Variants in CNNM4 observed in about 807,000 individuals in gnomAD.
CNNM4 encodes the protein cyclin and CBS domain divalent metal cation transport mediator 4.
A neutral mutation model predicts 53.7 loss-of-function variants in CNNM4; 32 were observed. That is an observed-to-expected ratio of 0.60 (90% CI 0.45 to 0.80). CNNM4 has a LOEUF of 0.80. Ranked by LOEUF, CNNM4 falls within the 30% of genes least tolerant of loss-of-function variation. The probability of loss-of-function intolerance (pLI) is 0.00; values close to 1 mark genes in which losing one functional copy is unlikely to be tolerated. For missense variants in CNNM4, 784 were observed against 1,022.0 expected, an observed-to-expected ratio of 0.77 and a Z score of 3.17; for synonymous variants, 410 against 440.0, an observed-to-expected ratio of 0.93 and a Z score of 0.85.
Position 96,796,131 on chromosome 2 carries a change from CTTTTTTTTTTTTT to C in CNNM4, c.1403-862_1403-850del, listed in dbSNP as rs796494842. ...CCTGATAAGTGATACCAGACAGGGT[CTTTTTTTTTTTTT>C]TTTTTTTTTTTTTTTTTTGAGACAG... On this transcript the variant is annotated intron_variant, in intron 1 of 6. Transcript: ENST00000377075. Among the ~76,000 whole-genome samples, 216 of 50,700 alleles carry C rather than the reference CTTTTTTTTTTTTT, an allele frequency of 4.3e-3. 2 individuals are homozygous for C. The East Asian group carries it at 0.093, about 22-fold the overall frequency. 33.3% of individuals were successfully genotyped at this position (50,700 alleles called of 152,430 possible).
chr2:96,803,367 A>T (rs1574084313), intron 5 of CNNM4, among the ~76,000 whole-genome samples: 1 of 152,306 alleles, frequency 6.6e-6, no homozygotes, highest in East Asian at 1.9e-4. Flanking sequence ...AAAGCAAAAA[A>T]CTTTCCCTGT....
intron 1 of CNNM4, among the ~76,000 whole-genome samples, chr2:96,779,633 TC>T (rs2078956256): frequency 6.6e-6 from 1 of 152,154 alleles, no homozygotes; most frequent in African/African-American, 2.4e-5. Context: ...TTGATCTGTT[TC>T]TTTTTCTTTG....
chr2:96,797,246 A>G lies in CNNM4; in HGVS notation c.1546+91A>G. 1.9e-6 allele frequency: 3 copies of G among 1,558,538 alleles called. No homozygotes were observed. In the East Asian group the frequency reaches 6.7e-5, roughly 35 times the overall value. ...GCTGGAAGGGCCATAGTGCAGGGAC[A>G]CAGGAGGCCTAGCATCCAGAGGCCC... On this transcript the variant is annotated intron_variant, in intron 2 of 6. Coordinates refer to ENST00000377075, the MANE Select transcript of CNNM4 (RefSeq NM_020184.4). The surrounding 1 kb of genome is among the most constrained non-coding windows in gnomAD (Gnocchi z 6.0).
At chr2:96,799,688 C>A in intron 5 of CNNM4, 40 bp downstream of exon 5, 1 of 1,475,868 alleles carries the variant, frequency 6.8e-7, no homozygotes, top group Non-Finnish European at 9.3e-7. Flanking sequence ...CTTTGGCCCC[C>A]CTGCAGCTGG....
chr2:96,802,255 A>C (rs1361475579), intron 5 of CNNM4, among the ~76,000 whole-genome samples: 1 of 152,118 alleles, frequency 6.6e-6, no homozygotes, highest in Non-Finnish European at 1.5e-5. Context: ...ACACACACAC[A>C]TGCACACCCA....
intron 1 of CNNM4, among the ~76,000 whole-genome samples, chr2:96,764,664 A>C (rs1336257913): frequency 6.6e-6 from 1 of 152,174 alleles, no homozygotes; most frequent in Non-Finnish European, 1.5e-5. Context: ...TACCCAGGAC[A>C]CAGCACACAC....
chr2:96,762,613 A>T (rs2078776047), intron 1 of CNNM4, among the ~76,000 whole-genome samples: 1 of 152,168 alleles, frequency 6.6e-6, no homozygotes, highest in Non-Finnish European at 1.5e-5. Context: ...TGTGCTCCTG[A>T]TGAATCAAAG....
chr2:96,807,894 G>A (rs559092082), intron 5 of CNNM4, among the ~76,000 whole-genome samples: 25 of 152,158 alleles, frequency 1.6e-4, no homozygotes, highest in African/African-American at 6.0e-4. Context: ...ATGGCAGTTT[G>A]CTTGTTTGTT....
At chr2:96,791,190 T>C (rs1039913743) in intron 1 of CNNM4, among the ~76,000 whole-genome samples, 2 of 151,594 alleles carry the variant, frequency 1.3e-5, no homozygotes, top group African/African-American at 4.8e-5. Context: ...TAGTCCCAGC[T>C]ACTCAGGAGG....
At chr2:96,780,269 AT>A (rs997294515) in intron 1 of CNNM4, among the ~76,000 whole-genome samples, 11 of 151,988 alleles carry the variant, frequency 7.2e-5, no homozygotes, top group African/African-American at 2.4e-4. Context: ...CTAAAATTTG[AT>A]TTTCCAAAGT....
At chr2:96,799,789 G>A (rs1208355458) in intron 5 of CNNM4, 141 bp downstream of exon 5, 29 of 765,818 alleles carry the variant, frequency 3.8e-5, no homozygotes, top group East Asian at 2.4e-4. Flanking sequence ...GGCGGGAGCC[G>A]CCAGGGCCTG....
Position 96,762,161 on chromosome 2 carries a change from A to G in CNNM4, c.1162A>G (p.Ser388Gly). ...GCTCCAGGACTGCTTCATGATCCGC[A>G]GCGATGCCATCCTGGACTTCAACAC... is the stretch of plus-strand genomic sequence containing the variant. Reference protein sequence around the residue: ...TQLQDCFMIRSDAILDFNTMS... With the variant: ...TQLQDCFMIRGDAILDFNTMS... Residue 388 changes from serine (S) to glycine (G), a missense_variant, in exon 1 of 7, where the codon AGC (serine) becomes GGC (glycine). Physicochemically the swap from Ser to Gly is moderately conservative, Grantham distance 56. Coordinates refer to ENST00000377075, the MANE Select transcript of CNNM4 (RefSeq NM_020184.4). The G allele has an allele frequency of 6.2e-7, 1 of 1,614,194 alleles. No homozygotes were observed. Among genetic ancestry groups the G allele is most frequent in the East Asian group, 2.2e-5 (1 of 44,890 alleles).
intron 1 of CNNM4, among the ~76,000 whole-genome samples, chr2:96,786,814 A>C (rs987554801): frequency 2.0e-5 from 3 of 148,440 alleles, no homozygotes; most frequent in African/African-American, 7.4e-5. Flanking sequence ...AGTCACTCTT[A>C]TCCCATCATC....
At chr2:96,770,930 G>C (rs921542447) in intron 1 of CNNM4, among the ~76,000 whole-genome samples, 12 of 152,226 alleles carry the variant, frequency 7.9e-5, no homozygotes, top group Non-Finnish European at 1.2e-4. Context: ...AGCCCGTGGG[G>C]GATGGACAGG....
Position 96,771,024 on chromosome 2 carries a change from T to G in CNNM4, c.1402+8623T>G, listed in dbSNP as rs1302708229. Among the ~76,000 whole-genome samples, 6 of 152,338 alleles carry G rather than the reference T, an allele frequency of 3.9e-5. No individual in the cohort carries two copies. The East Asian group carries it at 1.2e-3, about 29-fold the overall frequency. ...TCTGAGATGTGTGAAGGTGCTAGAA[T>G]TTCCAGAGGTACCCGGCTGGCCCTC... On this transcript the variant is annotated intron_variant, in intron 1 of 6. Transcript: ENST00000377075.
chr2:96,809,097 C>T (rs2079233450), intron 6 of CNNM4: 2 of 978,436 alleles, frequency 2.0e-6, no homozygotes, highest in Admixed American at 2.5e-5. Flanking sequence ...CCGCCTCAGC[C>T]TCCTGAAGTG....
At chr2:96,806,526 C>G (rs908263315) in intron 5 of CNNM4, among the ~76,000 whole-genome samples, 5 of 143,420 alleles carry the variant, frequency 3.5e-5, no homozygotes, top group Admixed American at 7.0e-5. Flanking sequence ...CACACACACA[C>G]ACACACACAC....
At chr2:96,788,655 G>C (rs2079034929) in intron 1 of CNNM4, 1 of 152,570 alleles carries the variant, frequency 6.6e-6, no homozygotes, top group African/African-American at 2.4e-5. Context: ...AGGGTGCTCA[G>C]CTATCTGCAG....
At chr2:96,775,883 G>A (rs1265073227) in intron 1 of CNNM4, among the ~76,000 whole-genome samples, 1 of 150,178 alleles carries the variant, frequency 6.7e-6, no homozygotes, top group African/African-American at 2.5e-5. Context: ...GGGCCACCAC[G>A]CCTGGCTAAT....
Sources: allele counts gnomAD v4.1 joint callset (sites outside exome capture counted in the v4.1 genomes callset), GRCh38; gene constraint gnomAD v4.1.1; non-coding constraint Gnocchi (gnomAD v3.1); transcripts MANE v1.5; gene names NCBI Gene and HGNC (gene_info 2026-07-23, HGNC 2026-07-21).